Variants in AASS observed in about 807,000 individuals in gnomAD.
AASS encodes the protein alpha-aminoadipic semialdehyde synthase, mitochondrial.
AASS carries 86 observed loss-of-function variants against 105.4 expected under a neutral mutation model. The ratio of observed to expected loss-of-function variants is 0.82; its 90% CI spans 0.69 to 0.98. The LOEUF is 0.98. AASS is among the 50% of genes least tolerant of loss of function. The pLI is 0.00. For synonymous variants in AASS, 381 were observed against 394.8 expected (o/e 0.96, Z 0.41); for missense variants, 1,048 against 1,143.2 (o/e 0.92, Z 1.20).
intron 4 of AASS, among the ~76,000 whole-genome samples, chr7:122,119,595 TG>T (rs1195810363): frequency 6.6e-6 from 1 of 152,186 alleles, no homozygotes; most frequent in African/African-American, 2.4e-5. Context: ...AATTTTCTTT[TG>T]TCGTTTTTCT....
intron 6 of AASS, 44 bp downstream of exon 6, chr7:122,118,263 A>C: frequency 2.5e-6 from 4 of 1,610,386 alleles, no homozygotes; most frequent in Middle Eastern, 1.6e-4. Flanking sequence ...GGTTAGTTTC[A>C]AAGTTTTGGA....
At chr7:122,096,293 C>A (rs1794151324) in intron 15 of AASS, among the ~76,000 whole-genome samples, 1 of 151,748 alleles carries the variant, frequency 6.6e-6, no homozygotes, top group African/African-American at 2.4e-5. Context: ...TTTTTGTAGT[C>A]CCTATCACTG....
intron 20 of AASS, among the ~76,000 whole-genome samples, chr7:122,079,989 A>G (rs996443984): frequency 6.6e-6 from 1 of 152,182 alleles, no homozygotes; most frequent in African/African-American, 2.4e-5. Flanking sequence ...TCTTACCAGC[A>G]CATTCCCTGT....
At chr7:122,113,479 TTGAGTA>T (rs1204445382) in intron 10 of AASS, 113 bp downstream of exon 10, 24 of 1,319,760 alleles carry the variant, frequency 1.8e-5, no homozygotes, top group African/African-American at 2.9e-5. Flanking sequence ...TTTAGTATGT[TTGAGTA>T]TATCTCTCCA....
At position 122,118,583 on chromosome 7, in the gene AASS, C is replaced by G; in HGVS notation, c.520G>C (p.Gly174Arg). The G allele has an allele frequency of 6.2e-7, 1 of 1,613,912 alleles. No individual in the cohort carries two copies. Among genetic ancestry groups the G allele is most frequent in the Non-Finnish European group, 8.5e-7 (1 of 1,179,964 alleles). Residue 174 changes from glycine (G) to arginine (R), a missense_variant, in exon 5 of 24, where the codon GGA (glycine) becomes CGA (arginine). Coordinates refer to ENST00000417368, the MANE Select transcript of AASS (RefSeq NM_005763.4). ...CTTACCATAAAAGGTGTGTGATGTCCCAAAGCAAGGAGCCTTAAACCCATT... is the reference window on the plus strand; with the variant it reads ...CTTACCATAAAAGGTGTGTGATGTCGCAAAGCAAGGAGCCTTAAACCCATT... Reference protein sequence around the residue: ...HGMGLRLLALGHHTPFMHIGM... With the variant: ...HGMGLRLLALRHHTPFMHIGM...
chr7:122,102,742 T>A (rs1794488054), intron 11 of AASS, among the ~76,000 whole-genome samples: 1 of 152,066 alleles, frequency 6.6e-6, no homozygotes, highest in African/African-American at 2.4e-5. Flanking sequence ...TACCCTTGTC[T>A]ATCTCACTGC....
chr7:122,139,789 T>C (rs1465888047), intron 1 of AASS, among the ~76,000 whole-genome samples: 1 of 151,996 alleles, frequency 6.6e-6, no homozygotes, highest in Non-Finnish European at 1.5e-5. Context: ...CCATCTCTAC[T>C]AAAAATACAA....
At chr7:122,081,242 G>A (rs1793304667) in intron 20 of AASS, among the ~76,000 whole-genome samples, 1 of 152,092 alleles carries the variant, frequency 6.6e-6, no homozygotes, top group African/African-American at 2.4e-5. Context: ...GAGAGCAAAG[G>A]CATCTCTTAT....
At chr7:122,086,337 T>C (rs1447579350) in intron 18 of AASS, among the ~76,000 whole-genome samples, 158 bp from the exon 19 acceptor site, 2 of 152,110 alleles carry the variant, frequency 1.3e-5, no homozygotes, top group African/African-American at 4.8e-5. Flanking sequence ...GCTGTTCTAC[T>C]AATATCATAA....
intron 15 of AASS, among the ~76,000 whole-genome samples, chr7:122,094,352 CTCTAT>C (rs1794045215): frequency 6.6e-6 from 1 of 152,008 alleles, no homozygotes; most frequent in African/African-American, 2.4e-5. Context: ...AATAGCAATA[CTCTAT>C]TCTATTTACC....
chr7:122,134,951 A>C (rs893277240), intron 1 of AASS, among the ~76,000 whole-genome samples: 3 of 152,224 alleles, frequency 2.0e-5, no homozygotes, highest in African/African-American at 7.2e-5. Flanking sequence ...GCCATAAAAA[A>C]GGATGAGTTC....
chr7:122,136,247 TG>T (rs1426850473), intron 1 of AASS, among the ~76,000 whole-genome samples: 2 of 152,152 alleles, frequency 1.3e-5, no homozygotes, highest in Non-Finnish European at 2.9e-5. Flanking sequence ...GTACATTTCC[TG>T]GGGGCAAACA....
intron 20 of AASS, among the ~76,000 whole-genome samples, chr7:122,080,988 A>G (rs1793288361): frequency 6.6e-6 from 1 of 152,312 alleles, no homozygotes; most frequent in Non-Finnish European, 1.5e-5. Context: ...TCCAAAGTTC[A>G]TTCCAACTCT....
chr7:122,086,174 C>G lies in AASS; in HGVS notation c.2022G>C (p.Val674=). 1 of 1,613,158 alleles carries G rather than the reference C, an allele frequency of 6.2e-7. No homozygotes were observed. The highest frequency in any genetic ancestry group is 8.5e-7 in the Non-Finnish European group (1 of 1,179,632). ...SATYLLDGKV[V]NVAGGISFLD... is the part of the protein sequence containing the mutation. ...GAAAGGAGATGCCTCCTGCAACATTCACAACCTGAGGAACATTGAGAAGGC... is the reference window on the plus strand; with the variant it reads ...GAAAGGAGATGCCTCCTGCAACATTGACAACCTGAGGAACATTGAGAAGGC... The change falls in exon 19 of 24, where the codon GTG becomes GTC. Residue 674 remains valine, a synonymous_variant. Coordinates refer to ENST00000417368, the MANE Select transcript of AASS (RefSeq NM_005763.4).
rs185487065 is a variant in AASS at position 122,090,798 on chromosome 7, T to C, written c.2016+905A>G. Among the ~76,000 whole-genome samples the C allele has an allele frequency of 3.2e-3, 489 of 152,250 alleles. 1 individual carries two copies. The highest frequency in any genetic ancestry group is 4.7e-3 in the Admixed American group (72 of 15,282). On this transcript the variant is annotated intron_variant, in intron 18 of 23. Transcript: ENST00000417368. ...GCCATCTCTTTAAGTGTAGCTGTTA[T>C]CTTAACTCCCTAAACCTGATTTTTC...
intron 1 of AASS, among the ~76,000 whole-genome samples, chr7:122,140,313 G>T (rs963978071): frequency 6.6e-6 from 1 of 151,048 alleles, no homozygotes; most frequent in Non-Finnish European, 1.5e-5. Flanking sequence ...GTGAAACCCC[G>T]TCTCTACTAA....
chr7:122,078,760 C>T (rs1039114330), intron 22 of AASS, 102 bp downstream of exon 22: 22 of 1,078,450 alleles, frequency 2.0e-5, no homozygotes, highest in Non-Finnish European at 3.2e-5. Context: ...TCACATCTTC[C>T]CATTCCTGCT....
intron 4 of AASS, among the ~76,000 whole-genome samples, chr7:122,120,114 T>C (rs906626725): frequency 6.6e-6 from 1 of 152,164 alleles, no homozygotes; most frequent in Non-Finnish European, 1.5e-5. Context: ...TGTTGAAGAG[T>C]TTCCCATTTC....
intron 20 of AASS, among the ~76,000 whole-genome samples, chr7:122,080,534 TA>T (rs1793261733): frequency 6.6e-6 from 1 of 152,098 alleles, no homozygotes; most frequent in Admixed American, 6.5e-5. Flanking sequence ...TGTTCACTCC[TA>T]CCCAACAAGT....
Sources: gnomAD v4.1 joint callset for allele counts (sites outside exome capture counted in the v4.1 genomes callset) on GRCh38, gnomAD v4.1.1 for gene constraint, MANE v1.5 for transcripts, NCBI Gene and HGNC (gene_info 2026-07-23, HGNC 2026-07-21) for gene names.